SRM: variants seen among roughly 807,000 people sequenced by gnomAD.
SRM encodes the protein spermidine synthase.
A neutral mutation model predicts 39.3 loss-of-function variants in SRM; 14 were observed. That is an observed-to-expected ratio of 0.36 (90% CI 0.24 to 0.56). The LOEUF (loss-of-function observed/expected upper bound fraction) is 0.56. Among genes scored for constraint, SRM ranks in the 20% least tolerant of loss-of-function variants. The pLI is 0.86. For missense variants in SRM, 244 were observed against 409.2 expected (o/e 0.60, Z 3.48); for synonymous variants, 195 against 173.1 (o/e 1.13, Z -0.99).
rs1419049295 is a variant in SRM at position 11,055,844 on chromosome 1, G to C, written c.702C>G (p.Ala234=). The C allele has an allele frequency of 6.2e-7, 1 of 1,612,756 alleles. No homozygotes were observed. Among genetic ancestry groups the C allele is most frequent in the Non-Finnish European group, 8.5e-7 (1 of 1,179,592 alleles). Residue 234 remains alanine, a synonymous_variant, in exon 6 of 8, where the codon GCC becomes GCG. Transcript: ENST00000376957. ...TGGGGTAGGTGGGGATGGTGCAGTA[G>C]GCATAGGCCACCACGGGGAACAGGG... ...CQSLFPVVAY[A]YCTIPTYPSG... is the part of the protein sequence containing the mutation.
chr1:11,057,502 C>T (rs1417673263), intron 3 of SRM, among the ~76,000 whole-genome samples: 3 of 139,144 alleles, frequency 2.2e-5, no homozygotes, highest in Admixed American at 7.7e-5. Context: ...ACCTTGTGAT[C>T]TGCCCGCCTC....
At position 11,058,882 on chromosome 1, in the gene SRM, A is replaced by C; in HGVS notation, c.299T>G (p.Ile100Ser). ...SHPNPRKVLI[I>S]GGGDGGVLRE... ...CAGGACACCTCCATCTCCGCCCCCG[A>C]TGATCAGCACCTGGGAGGAGGGGGC... is the stretch of plus-strand genomic sequence containing the variant. Residue 100 changes from isoleucine (I) to serine (S), a missense_variant, in exon 3 of 8, where the codon ATC (isoleucine) becomes AGC (serine). By Grantham distance (142) the Ile-to-Ser change is moderately radical. Transcript: ENST00000376957. 6.2e-7 allele frequency: 1 copy of C among 1,608,700 alleles called. No individual in the cohort carries two copies. The highest frequency in any genetic ancestry group is 8.5e-7 in the Non-Finnish European group (1 of 1,178,362).
rs757618863 is a variant in SRM at position 11,055,865 on chromosome 1, C to T, written c.681G>A (p.Leu227=). ...IKEMRQFCQS[L]FPVVAYAYCT... ...AGTAGGCATAGGCCACCACGGGGAA[C>T]AGGGACTGGCAGAACTGCCGCATCT... Residue 227 remains leucine (L), a synonymous_variant, in exon 6 of 8, where the codon CTG becomes CTA. Coordinates refer to ENST00000376957, the MANE Select transcript of SRM (RefSeq NM_003132.3). 2.5e-6 allele frequency: 4 copies of T among 1,612,022 alleles called. No individual in the cohort carries two copies. Among genetic ancestry groups the T allele is most frequent in the Non-Finnish European group, 8.5e-7 (1 of 1,179,006 alleles).
In SRM at chr1:11,054,910, G is replaced by A; in HGVS notation, c.889-25C>T. The A allele has an allele frequency of 1.9e-6, 3 of 1,611,666 alleles. No homozygotes were observed. Among genetic ancestry groups the A allele is most frequent in the Admixed American group, 1.7e-5 (1 of 59,974 alleles). On this transcript the variant is annotated intron_variant, in intron 7 of 7. Transcript: ENST00000376957. This position sits in a 1 kb window ranked among gnomAD's most constrained non-coding sequence, Gnocchi z 4.8. ...CCTGGAGGGACATGAGGCCAGTCAGGAGGGCGCTCTGGGTCCCTGGGTCCC... is the reference window on the plus strand; with the variant it reads ...CCTGGAGGGACATGAGGCCAGTCAGAAGGGCGCTCTGGGTCCCTGGGTCCC...
intron 1 of SRM, 165 bp downstream of exon 1, chr1:11,059,612 G>GCAGTCC (rs2100924532): frequency 1.0e-6 from 1 of 978,576 alleles, no homozygotes; most frequent in African/African-American, 1.6e-5. Flanking sequence ...AGGCCAGCCC[G>GCAGTCC]CAGTCCCAGC....
At position 11,059,785 on chromosome 1, in the gene SRM, G is replaced by C. The variant is rs376503264; in HGVS notation, c.159C>G (p.Val53=). The change falls in exon 1 of 8, where the codon GTC becomes GTG. Residue 53 remains valine (V), a synonymous_variant. Transcript: ENST00000376957. ...GCGGGCAGCGGCGGTACCTGCGGAAGACGAGGATGTCCTGGTAGCGCGAGC... is the reference window on the plus strand; with the variant it reads ...GCGGGCAGCGGCGGTACCTGCGGAACACGAGGATGTCCTGGTAGCGCGAGC... ...HRRSRYQDIL[V]FRSKTYGNVL... is the part of the protein sequence containing the mutation. The C allele has an allele frequency of 3.8e-6, 6 of 1,579,968 alleles. No homozygotes were observed. Among genetic ancestry groups the C allele is most frequent in the Non-Finnish European group, 5.1e-6 (6 of 1,172,534 alleles).
chr1:11,056,918 C>T lies in SRM; in HGVS notation c.382-161G>A, dbSNP rs146373026. Among the ~76,000 whole-genome samples the T allele has an allele frequency of 2.8e-3, 422 of 152,182 alleles. 6 individuals are homozygous for T. The highest frequency in any genetic ancestry group is 9.5e-3 in the African/African-American group (396 of 41,526). ...TTTGAGACAGGGTCTCACTTTGTGG[C>T]CCAGGCTGGAGTGCAGTGGCATCGA... On this transcript the variant is annotated intron_variant, in intron 3 of 7. Coordinates refer to ENST00000376957, the MANE Select transcript of SRM (RefSeq NM_003132.3).
In SRM at chr1:11,059,733, C is replaced by G. The variant is rs1638945672; in HGVS notation, c.167+44G>C. ...CCCGTGAGGCGGGCAGCAGGCGGCC[C>G]GGGCTGAGCCTAGGGGGCAGGCGCC... On this transcript the variant is annotated intron_variant, in intron 1 of 7. Coordinates refer to ENST00000376957, the MANE Select transcript of SRM (RefSeq NM_003132.3). 3 of 1,537,886 alleles carry G rather than the reference C, an allele frequency of 2.0e-6. No homozygotes were observed. The South Asian group carries it at 3.5e-5, about 18-fold the overall frequency.
intron 6 of SRM, among the ~76,000 whole-genome samples, chr1:11,055,422 T>G (rs1337358873): frequency 1.3e-5 from 2 of 150,650 alleles, no homozygotes; most frequent in Non-Finnish European, 3.0e-5. Context: ...GGAGGGTTTT[T>G]TTTTTTTTTT....
intron 4 of SRM, 56 bp downstream of exon 4, chr1:11,056,548 G>T: frequency 6.2e-7 from 1 of 1,605,298 alleles, no homozygotes; most frequent in South Asian, 1.1e-5. Flanking sequence ...GCCTGGGGGA[G>T]GCTGACCTCC....
chr1:11,059,023 G>T, intron 2 of SRM, 131 bp from the exon 3 acceptor site: 1 of 1,300,692 alleles, frequency 7.7e-7, no homozygotes. Context: ...CTTTCGTGCC[G>T]GTGTCCCCTT....
chr1:11,055,084 T>G lies in SRM; in HGVS notation c.766A>C (p.Ser256Arg), dbSNP rs375204768. The change falls in exon 7 of 8, where the codon AGC becomes CGC. Residue 256 changes from serine (S) to arginine (R), a missense_variant and splice_region_variant. Physicochemically the swap from Ser to Arg is moderately radical, Grantham distance 110 (BLOSUM62 -1). Coordinates refer to ENST00000376957, the MANE Select transcript of SRM (RefSeq NM_003132.3). ...IGFMLCSKNP[S>R]TNFQEPVQPL... ...TGCACCGGCTCCTGGAAGTTCGTGC[T>G]CTGGGGACCGGGCCAGGGGCACATC... 43 of 1,608,674 alleles carry G rather than the reference T, an allele frequency of 2.7e-5. No individual in the cohort carries two copies. The highest frequency in any genetic ancestry group is 3.4e-5 in the Non-Finnish European group (40 of 1,178,078).
chr1:11,055,184 C>T (rs2100919590), intron 6 of SRM, 100 bp from the exon 7 acceptor site: 3 of 1,435,564 alleles, frequency 2.1e-6, no homozygotes, highest in East Asian at 4.9e-5. Context: ...GTGGCGTCAT[C>T]TCAGCTCACT....
At chr1:11,056,209 G>A in intron 4 of SRM, 115 bp from the exon 5 acceptor site, 1 of 942,908 alleles carries the variant, frequency 1.1e-6, no homozygotes, top group Non-Finnish European at 1.6e-6. Flanking sequence ...GTCTGTGGGG[G>A]ATCCACACCT....
At chr1:11,057,316 G>A (rs1030253799) in intron 3 of SRM, among the ~76,000 whole-genome samples, 4 of 147,280 alleles carry the variant, frequency 2.7e-5, no homozygotes, top group African/African-American at 5.2e-5. Context: ...CTTTCTTGTC[G>A]CTTCCTATTT....
At position 11,055,053 on chromosome 1, in the gene SRM, AGCGGCTGCACCG is replaced by A; in HGVS notation, c.785_796del (p.Pro262_Pro265del). 6.2e-7 allele frequency: 1 copy of A among 1,611,244 alleles called. No homozygotes were observed. Among genetic ancestry groups the A allele is most frequent in the Non-Finnish European group, 8.5e-7 (1 of 1,179,238 alleles). On this transcript the variant is annotated inframe_deletion, in exon 7 of 8. Coordinates refer to ENST00000376957, the MANE Select transcript of SRM (RefSeq NM_003132.3). Reference sequence around the variant, plus strand: ...CATCTGCGCCACCTGCTGCTGTGTCAGCGGCTGCACCGGCTCCTGGAAGTTCGTGCTCTGGGG... The same window carrying A: ...CATCTGCGCCACCTGCTGCTGTGTCAGCTCCTGGAAGTTCGTGCTCTGGGG...
In SRM at chr1:11,056,073, T is replaced by A. The variant is rs1252578589; in HGVS notation, c.557A>T (p.Lys186Met). The A allele has an allele frequency of 6.2e-7, 1 of 1,611,884 alleles. No homozygotes were observed. The highest frequency in any genetic ancestry group is 8.5e-7 in the Non-Finnish European group (1 of 1,178,972). ...CTTCATGAGCTGGTAATAGGACTCC[T>A]TGAAGAGACTTTCGGCGGGGCCTGG... ...DPMGPAESLF[K>M]ESYYQLMKTA... is the part of the protein sequence containing the mutation. Residue 186 changes from lysine (K) to methionine (M), a missense_variant, in exon 5 of 8, where the codon AAG becomes ATG. By Grantham distance (95) the Lys-to-Met change is moderately conservative (BLOSUM62 -1). Coordinates refer to ENST00000376957, the MANE Select transcript of SRM (RefSeq NM_003132.3).
Position 11,054,759 on chromosome 1 carries a change from G to C in SRM, c.*106C>G. Reference sequence around the variant, plus strand: ...TTCTGGGGCTTGTAACACTTGGTTGGTGGGCGAGAGCCAGCAGGAGGTCCG... The same window carrying C: ...TTCTGGGGCTTGTAACACTTGGTTGCTGGGCGAGAGCCAGCAGGAGGTCCG... On this transcript the variant is annotated 3_prime_UTR_variant, in exon 8 of 8. Coordinates refer to ENST00000376957, the MANE Select transcript of SRM (RefSeq NM_003132.3). The surrounding 1 kb of genome is among the most constrained non-coding windows in gnomAD (Gnocchi z 4.8). 2 of 1,456,388 alleles carry C rather than the reference G, an allele frequency of 1.4e-6. No homozygotes were observed. Among genetic ancestry groups the C allele is most frequent in the Admixed American group, 4.9e-5 (2 of 40,906 alleles). 90.2% of individuals were successfully genotyped at this position (1,456,388 alleles called of 1,614,324 possible).
chr1:11,059,735 G>A (rs1201766497), intron 1 of SRM, 42 bp downstream of exon 1: 11 of 1,554,608 alleles, frequency 7.1e-6, no homozygotes, highest in Non-Finnish European at 9.5e-6. Context: ...AGGCGGCCCG[G>A]GCTGAGCCTA....
Sources: gnomAD v4.1 joint callset for allele counts (sites outside exome capture counted in the v4.1 genomes callset) on GRCh38, gnomAD v4.1.1 for gene constraint, Gnocchi (gnomAD v3.1) non-coding constraint, MANE v1.5 for transcripts, NCBI Gene and HGNC (gene_info 2026-07-23, HGNC 2026-07-21) for gene names.